The following MARCHF1 variants were observed in gnomAD, a reference collection of about 807,000 sequenced individuals.
MARCHF1 encodes the protein membrane associated ring-CH-type finger 1, also known as E3 ubiquitin-protein ligase MARCHF1.
In MARCHF1, 40 loss-of-function variants were observed where a neutral mutation model predicts 54.2. That is an observed-to-expected ratio of 0.74 (90% CI 0.57 to 0.96). The LOEUF (loss-of-function observed/expected upper bound fraction) is 0.96. Among genes scored for constraint, MARCHF1 ranks in the 40% least tolerant of loss-of-function variants. The pLI, the probability that MARCHF1 is intolerant of heterozygous loss-of-function variation, is 0.00. For missense variants in MARCHF1, 586 were observed against 656.5 expected, an observed-to-expected ratio of 0.89 and a Z score of 1.17; for synonymous variants, 236 against 236.3, an observed-to-expected ratio of 1.00 and a Z score of 0.01.
At chr4:163,801,999 T>A (rs1262629869) in intron 4 of MARCHF1, among the ~76,000 whole-genome samples, 1 of 152,098 alleles carries the variant, frequency 6.6e-6, no homozygotes, top group East Asian at 1.9e-4. Flanking sequence ...GACCTCTGAT[T>A]CCGGAAATCT....
intron 1 of MARCHF1, among the ~76,000 whole-genome samples, chr4:164,179,985 A>T (rs757920956): frequency 6.7e-6 from 1 of 149,446 alleles, no homozygotes; most frequent in Non-Finnish European, 1.5e-5. Flanking sequence ...AAAACTTCTG[A>T]TGTTGGACAT....
chr4:164,138,262 T>A (rs1208460378), intron 1 of MARCHF1, among the ~76,000 whole-genome samples: 1 of 152,148 alleles, frequency 6.6e-6, no homozygotes, highest in Non-Finnish European at 1.5e-5. Flanking sequence ...GTTTCTTTTT[T>A]TTTTTAATCC....
chr4:163,687,798 T>C (rs1228889572), intron 5 of MARCHF1, among the ~76,000 whole-genome samples: 1 of 152,238 alleles, frequency 6.6e-6, no homozygotes, highest in Admixed American at 6.5e-5. Flanking sequence ...CACATGGTTA[T>C]TGAATTCCAT....
rs540697701 is a variant in MARCHF1, at chr4:163,580,751, C to T, written c.1191+4998G>A. On this transcript the variant is annotated intron_variant, in intron 8 of 9. Transcript: ENST00000514618. ...CAGAAAAATTTTTGTTTTAGAATGACTTGTTTTAAAAGATTTCCATCAGGA... is the reference window on the plus strand; with the variant it reads ...CAGAAAAATTTTTGTTTTAGAATGATTTGTTTTAAAAGATTTCCATCAGGA... Among the ~76,000 whole-genome samples, 14 of 151,686 alleles carry T rather than the reference C, an allele frequency of 9.2e-5. 1 individual carries two copies. The South Asian group carries it at 2.5e-3, about 27-fold the overall frequency.
intron 1 of MARCHF1, among the ~76,000 whole-genome samples, chr4:164,191,387 ATTAAT>A (rs1731119576): frequency 6.6e-6 from 1 of 152,236 alleles, no homozygotes; most frequent in African/African-American, 2.4e-5. Flanking sequence ...AGAATATGTC[ATTAAT>A]TTAGTGTGTC....
intron 8 of MARCHF1, among the ~76,000 whole-genome samples, chr4:163,578,994 T>C (rs1293520366): frequency 6.6e-6 from 1 of 152,206 alleles, no homozygotes; most frequent in African/African-American, 2.4e-5. Flanking sequence ...GGATGGATGC[T>C]TCCCAAAAGA....
intron 4 of MARCHF1, among the ~76,000 whole-genome samples, chr4:163,819,892 T>A (rs895563897): frequency 1.3e-5 from 2 of 152,142 alleles, no homozygotes; most frequent in Non-Finnish European, 2.9e-5. Flanking sequence ...ATAAACTAGA[T>A]GATTCCTTTG....
At chr4:163,616,322 T>C (rs957416447) in intron 5 of MARCHF1, among the ~76,000 whole-genome samples, 1 of 152,084 alleles carries the variant, frequency 6.6e-6, no homozygotes, top group African/African-American at 2.4e-5. Flanking sequence ...AGACAGTCTG[T>C]AGCATGGGAG....
At chr4:164,177,123 C>A (rs1338874831) in intron 1 of MARCHF1, among the ~76,000 whole-genome samples, 1 of 151,096 alleles carries the variant, frequency 6.6e-6, no homozygotes, top group Non-Finnish European at 1.5e-5. Context: ...TAGTTTCAAT[C>A]GTACTGCAGT....
At chr4:164,293,775 G>C (rs1734344820) in intron 1 of MARCHF1, among the ~76,000 whole-genome samples, 1 of 152,172 alleles carries the variant, frequency 6.6e-6, no homozygotes, top group Non-Finnish European at 1.5e-5. Context: ...AGGCATGAAG[G>C]CTCCCATGCA....
rs78044473 is a variant in MARCHF1 at position 164,080,165 on chromosome 4, A to G, written c.-248+31423T>C. On this transcript the variant is annotated intron_variant, in intron 2 of 9. Transcript: ENST00000514618. ...ATGTGAATAAGTCATATGTAGAACAACAGATCCTGAGATCACATAGAATAG... is the reference window on the plus strand; with the variant it reads ...ATGTGAATAAGTCATATGTAGAACAGCAGATCCTGAGATCACATAGAATAG... 8.7e-3 allele frequency among the ~76,000 whole-genome samples: 1,329 copies of G among 152,326 alleles called. 20 individuals carry two copies. Among genetic ancestry groups the G allele is most frequent in the East Asian group, 0.052 (271 of 5,172 alleles).
intron 3 of MARCHF1, among the ~76,000 whole-genome samples, chr4:163,896,242 A>C (rs868017246): frequency 6.6e-6 from 1 of 152,218 alleles, no homozygotes; most frequent in Admixed American, 6.5e-5. Flanking sequence ...AGAGATGATG[A>C]AATCAAGAAG....
At chr4:163,799,104 TA>T in intron 4 of MARCHF1, among the ~76,000 whole-genome samples, 1 of 152,190 alleles carries the variant, frequency 6.6e-6, no homozygotes, top group Admixed American at 6.6e-5. Context: ...AAAAAGTAAA[TA>T]AAATGAAATT....
At chr4:164,140,676 C>G (rs1031287325) in intron 1 of MARCHF1, among the ~76,000 whole-genome samples, 5 of 152,132 alleles carry the variant, frequency 3.3e-5, no homozygotes, top group African/African-American at 1.2e-4. Context: ...TTGGCAATAC[C>G]TGTCGCCATC....
chr4:163,830,230 T>A (rs964267307), intron 4 of MARCHF1, among the ~76,000 whole-genome samples: 1 of 151,618 alleles, frequency 6.6e-6, no homozygotes, highest in Non-Finnish European at 1.5e-5. Context: ...TAGGAATATT[T>A]CATCTCTCTT....
chr4:164,142,172 T>C (rs201607428), intron 1 of MARCHF1, among the ~76,000 whole-genome samples: 5 of 152,314 alleles, frequency 3.3e-5, no homozygotes, highest in East Asian at 1.9e-4. Flanking sequence ...GAGGGTCCTA[T>C]GCCCACGGAG....
intron 2 of MARCHF1, among the ~76,000 whole-genome samples, chr4:164,004,934 A>C (rs1040970942): frequency 6.6e-6 from 1 of 152,112 alleles, no homozygotes; most frequent in Non-Finnish European, 1.5e-5. Flanking sequence ...TTTAAGCAGC[A>C]ATAAAAGTAG....
chr4:163,568,143 A>G (rs1172367643), intron 8 of MARCHF1, among the ~76,000 whole-genome samples: 3 of 152,108 alleles, frequency 2.0e-5, no homozygotes, highest in Non-Finnish European at 4.4e-5. Flanking sequence ...TCCCAATATA[A>G]GTGTATGGCT....
chr4:164,062,291 C>T (rs946192457), intron 2 of MARCHF1, among the ~76,000 whole-genome samples: 1 of 152,024 alleles, frequency 6.6e-6, no homozygotes, highest in African/African-American at 2.4e-5. Flanking sequence ...CAGTTACTTC[C>T]TCCATTGAAA....
Sources: gnomAD v4.1 joint callset for allele counts (sites outside exome capture counted in the v4.1 genomes callset) on GRCh38, gnomAD v4.1.1 for gene constraint, MANE v1.5 for transcripts, NCBI Gene and HGNC (gene_info 2026-07-23, HGNC 2026-07-21) for gene names.